The following ZBTB18 variants were observed in gnomAD, a reference collection of about 807,000 sequenced individuals.
The protein encoded by ZBTB18 is zinc finger and BTB domain containing 18, also known as zinc finger and BTB domain-containing protein 18.
ZBTB18 carries 2 observed loss-of-function variants against 37.7 expected under a neutral mutation model. The observed-to-expected ratio is 0.05, with a 90% confidence interval of 0.02 to 0.17. The LOEUF is 0.17. Ranked by LOEUF, ZBTB18 falls within the 10% of genes least tolerant of loss-of-function variation. The pLI, the probability that ZBTB18 is intolerant of heterozygous loss-of-function variation, is 1.00. For synonymous variants in ZBTB18, 304 were observed against 276.5 expected, an observed-to-expected ratio of 1.10 and a Z score of -0.99; for missense variants, 408 against 686.3, an observed-to-expected ratio of 0.59 and a Z score of 4.53.
chr1:244,052,919 T>C (rs1460763625), intron 1 of ZBTB18, among the ~76,000 whole-genome samples: 1 of 152,268 alleles, frequency 6.6e-6, no homozygotes, highest in Non-Finnish European at 1.5e-5. Flanking sequence ...AAACTCATTT[T>C]GCCTTGCAAC....
Position 244,054,508 on chromosome 1 carries a change from T to A in ZBTB18, c.734T>A (p.Val245Asp). 1 of 1,614,210 alleles carries A rather than the reference T, an allele frequency of 6.2e-7. No individual in the cohort carries two copies. The highest frequency in any genetic ancestry group is 8.5e-7 in the Non-Finnish European group (1 of 1,180,048). The change falls in exon 2 of 2, where the codon GTT becomes GAT. Residue 245 changes from valine to aspartate, a missense_variant. Transcript: ENST00000358704. This position sits in a 1 kb window ranked among gnomAD's most constrained non-coding sequence, Gnocchi z 9.0. ...ACCTCCGTGAGGGATTCGGCAGATG[T>A]TGACTGTGTGCTGGACCTGTCTGTC... ...SVTSVRDSADVDCVLDLSVKS... is the reference protein window; with the variant it reads ...SVTSVRDSADDDCVLDLSVKS...
Position 244,053,782 on chromosome 1 carries a change from C to G in ZBTB18, c.14-6C>G. On this transcript the variant is annotated splice_polypyrimidine_tract_variant and splice_region_variant and intron_variant, in intron 1 of 1. Coordinates refer to ENST00000358704, the MANE Select transcript of ZBTB18 (RefSeq NM_205768.3). This position sits in a 1 kb window ranked among gnomAD's most constrained non-coding sequence, Gnocchi z 5.2. ...AGGCTCTAATGAGAAATTCCTCTCT[C>G]CCCAGGTTATGAAGACAGTATGGAG... 6.2e-7 allele frequency: 1 copy of G among 1,602,732 alleles called. No individual in the cohort carries two copies. Among genetic ancestry groups the G allele is most frequent in the Non-Finnish European group, 8.5e-7 (1 of 1,172,506 alleles).
At position 244,054,251 on chromosome 1, in the gene ZBTB18, C is replaced by T. The variant is rs1381384851; in HGVS notation, c.477C>T (p.His159=). ...KVESLSDGSS[H]IAGDLPSDED... is the part of the protein sequence containing the mutation. ...AGAGTCTCTCCGATGGCAGCAGCCA[C>T]ATAGCAGGCGATTTGCCCAGTGATG... is the stretch of plus-strand genomic sequence containing the variant. The change falls in exon 2 of 2, where the codon CAC becomes CAT. Residue 159 remains histidine, a synonymous_variant. Transcript: ENST00000358704. The surrounding 1 kb of genome is among the most constrained non-coding windows in gnomAD (Gnocchi z 9.0). 2.5e-6 allele frequency: 4 copies of T among 1,614,212 alleles called. No homozygotes were observed. Among genetic ancestry groups the T allele is most frequent in the Non-Finnish European group, 3.4e-6 (4 of 1,180,034 alleles).
chr1:244,048,611 C>CCCCCTCCCCCGCGCCCG (rs1296557732), upstream of ZBTB18, among the ~76,000 whole-genome samples: 1 of 136,206 alleles, frequency 7.3e-6, no homozygotes, highest in Non-Finnish European at 1.6e-5. Flanking sequence ...CCCCTCCCCT[C>CCCCCTCCCCCGCGCCCG]CCCCTCCCCC....
At position 244,054,143 on chromosome 1, in the gene ZBTB18, A is replaced by G. The variant is rs775455782; in HGVS notation, c.369A>G (p.Lys123=). The G allele has an allele frequency of 6.2e-7, 1 of 1,614,128 alleles. No individual in the cohort carries two copies. The highest frequency in any genetic ancestry group is 2.2e-5 in the East Asian group (1 of 44,876). The part of the protein sequence containing the change: ...LHMYDIVKVC[K]KKLKEKATTE... ...TGTATGACATTGTCAAAGTCTGCAA[A>G]AAGAAGCTGAAAGAGAAAGCCACCA... is the stretch of plus-strand genomic sequence containing the variant. Residue 123 remains lysine, a synonymous_variant, in exon 2 of 2, where the codon AAA becomes AAG. Coordinates refer to ENST00000358704, the MANE Select transcript of ZBTB18 (RefSeq NM_205768.3). This position sits in a 1 kb window ranked among gnomAD's most constrained non-coding sequence, Gnocchi z 9.0.
Position 244,053,703 on chromosome 1 carries a change from G to A in ZBTB18, c.14-85G>A. 1 of 1,521,542 alleles carries A rather than the reference G, an allele frequency of 6.6e-7. No homozygotes were observed. Among genetic ancestry groups the A allele is most frequent in the East Asian group, 2.3e-5 (1 of 44,146 alleles). The allele number at this position is 1,521,542 out of a possible 1,614,324, so 94.3% of individuals were successfully genotyped here. On this transcript the variant is annotated intron_variant, in intron 1 of 1. Transcript: ENST00000358704. The surrounding 1 kb of genome is among the most constrained non-coding windows in gnomAD (Gnocchi z 5.2). The stretch of plus-strand genomic sequence containing the variant: ...AGGGACATGTACCACGGCGGCCAAA[G>A]CGGAATTAATTTTTTTATATGGGGA...
At position 244,053,561 on chromosome 1, in the gene ZBTB18, C is replaced by T. The variant is rs982532048; in HGVS notation, c.14-227C>T. ...CTTGGGTTCAAGGAAGATGGAGATG[C>T]GTCGGAAGCTCTTTGGCGGGGGTGA... On this transcript the variant is annotated intron_variant, in intron 1 of 1. Coordinates refer to ENST00000358704, the MANE Select transcript of ZBTB18 (RefSeq NM_205768.3). The surrounding 1 kb of genome is among the most constrained non-coding windows in gnomAD (Gnocchi z 5.2). Among the ~76,000 whole-genome samples the T allele has an allele frequency of 1.2e-4, 18 of 152,112 alleles. No homozygotes were observed. The highest frequency in any genetic ancestry group is 3.6e-4 in the African/African-American group (15 of 41,406).
chr1:244,055,705 C>T lies in ZBTB18; in HGVS notation c.*335C>T, dbSNP rs1346901289. The T allele has an allele frequency of 6.0e-6, 1 of 165,858 alleles. No individual in the cohort carries two copies. Among genetic ancestry groups the T allele is most frequent in the East Asian group, 1.9e-4 (1 of 5,198 alleles). 10.3% of individuals were successfully genotyped at this position (165,858 alleles called of 1,614,324 possible). On this transcript the variant is annotated 3_prime_UTR_variant, in exon 2 of 2. Coordinates refer to ENST00000358704, the MANE Select transcript of ZBTB18 (RefSeq NM_205768.3). This position sits in a 1 kb window ranked among gnomAD's most constrained non-coding sequence, Gnocchi z 7.0. ...CATTGTCTTTTGAGCTCTTTTTTCCCCCCCAACAAAGTTTTTTTGTTTTTT... is the reference window on the plus strand; with the variant it reads ...CATTGTCTTTTGAGCTCTTTTTTCCTCCCCAACAAAGTTTTTTTGTTTTTT...
chr1:244,049,676 C>T (rs1007234295), upstream of ZBTB18, among the ~76,000 whole-genome samples: 3 of 152,214 alleles, frequency 2.0e-5, no homozygotes, highest in African/African-American at 4.8e-5. Flanking sequence ...CCACCTCCTT[C>T]CCTGTGGTTT....
rs1411223418 is a variant in ZBTB18, at chr1:244,052,791, A to G, written c.14-997A>G. Among the ~76,000 whole-genome samples, 3 of 152,330 alleles carry G rather than the reference A, an allele frequency of 2.0e-5. No individual in the cohort carries two copies. In the South Asian group the frequency reaches 6.2e-4, roughly 32 times the overall value. ...GAGGTAAGGCAGAACCAGGAAAAAA[A>G]AAAAGGTTCTCTTTTTCTAAAAAGG... On this transcript the variant is annotated intron_variant, in intron 1 of 1. Coordinates refer to ENST00000358704, the MANE Select transcript of ZBTB18 (RefSeq NM_205768.3).
chr1:244,052,827 A>G (rs548590171), intron 1 of ZBTB18, among the ~76,000 whole-genome samples: 1 of 152,342 alleles, frequency 6.6e-6, no homozygotes, highest in African/African-American at 2.4e-5. Context: ...CTTAAAAAAA[A>G]ACGTTGAACC....
rs771903420 is a variant in ZBTB18, at chr1:244,055,393, T to C, written c.*23T>C. ...TAATTTTATATATATATAAATAATATATATATATATACATATATATAAATA... is the reference window on the plus strand; with the variant it reads ...TAATTTTATATATATATAAATAATACATATATATATACATATATATAAATA... On this transcript the variant is annotated 3_prime_UTR_variant, in exon 2 of 2. Coordinates refer to ENST00000358704, the MANE Select transcript of ZBTB18 (RefSeq NM_205768.3). The surrounding 1 kb of genome is among the most constrained non-coding windows in gnomAD (Gnocchi z 7.0). 5.9e-6 allele frequency: 4 copies of C among 674,696 alleles called. No individual in the cohort carries two copies. Among genetic ancestry groups the C allele is most frequent in the East Asian group, 4.4e-5 (1 of 22,534 alleles). The allele number at this position is 674,696 out of a possible 1,614,324, so 41.8% of individuals were successfully genotyped here. A position where few individuals can be genotyped will look rare whatever the true frequency, so the allele number is the denominator to read the frequency against.
At chr1:244,051,489 G>C in intron 1 of ZBTB18, 45 bp downstream of exon 1, 1 of 1,610,154 alleles carries the variant, frequency 6.2e-7, no homozygotes, top group Non-Finnish European at 8.5e-7. Context: ...CTGTTTTGGT[G>C]TTTTGTTTAT....
chr1:244,052,293 A>G (rs1698370696), intron 1 of ZBTB18, among the ~76,000 whole-genome samples: 3 of 152,246 alleles, frequency 2.0e-5, no homozygotes, highest in Non-Finnish European at 2.9e-5. Flanking sequence ...CTGCCCTCCA[A>G]TCTTTATTTT....
chr1:244,048,662 G>A (rs995227895), upstream of ZBTB18, among the ~76,000 whole-genome samples: 5 of 93,308 alleles, frequency 5.4e-5, no homozygotes, highest in African/African-American at 2.0e-4. Flanking sequence ...CACCCGGCCC[G>A]GCGGCTCCGC....
At chr1:244,050,786 A>G (rs1342572299), upstream of ZBTB18, among the ~76,000 whole-genome samples, 1 of 152,246 alleles carries the variant, frequency 6.6e-6, no homozygotes, top group African/African-American at 2.4e-5. Context: ...CATTTGAGAC[A>G]TGTATACCAT....
Position 244,056,466 on chromosome 1 carries a change from A to G in ZBTB18, c.*1096A>G, listed in dbSNP as rs1448783312. 1 of 167,160 alleles carries G rather than the reference A, an allele frequency of 6.0e-6. No homozygotes were observed. The highest frequency in any genetic ancestry group is 1.5e-5 in the Non-Finnish European group (1 of 68,136). The allele number at this position is 167,160 out of a possible 1,614,324, so 10.4% of individuals were successfully genotyped here. A position where few individuals can be genotyped will look rare whatever the true frequency, so the allele number is the denominator to read the frequency against. On this transcript the variant is annotated 3_prime_UTR_variant, in exon 2 of 2. Coordinates refer to ENST00000358704, the MANE Select transcript of ZBTB18 (RefSeq NM_205768.3). Reference sequence around the variant, plus strand: ...AAACAGCTTAAAGATTTGCATGTGCAGTGTGCATTTATAACAAACTTCTAA... The same window carrying G: ...AAACAGCTTAAAGATTTGCATGTGCGGTGTGCATTTATAACAAACTTCTAA...
rs777208397 is a variant in ZBTB18, at chr1:244,054,663, A to G, written c.889A>G (p.Asn297Asp). Residue 297 changes from asparagine (N) to aspartate (D), a missense_variant, in exon 2 of 2, where the codon AAT becomes GAT. Asn to Asp is a conservative substitution (Grantham distance 23, BLOSUM62 1). This residue lies in a region of ZBTB18 where 266 missense variants were observed against 312.0 expected (regional missense o/e 0.85). Coordinates refer to ENST00000358704, the MANE Select transcript of ZBTB18 (RefSeq NM_205768.3). This position sits in a 1 kb window ranked among gnomAD's most constrained non-coding sequence, Gnocchi z 9.0. Reference sequence around the variant, plus strand: ...CTGTGATGAGAGTGATGTTGGCACTAATGACTATGACATGGAACATAGCAC... The same window carrying G: ...CTGTGATGAGAGTGATGTTGGCACTGATGACTATGACATGGAACATAGCAC... Reference protein sequence around the residue: ...ASCDESDVGTNDYDMEHSTVK... With the variant: ...ASCDESDVGTDDYDMEHSTVK... 2.5e-6 allele frequency: 4 copies of G among 1,614,236 alleles called. No individual in the cohort carries two copies. Among genetic ancestry groups the G allele is most frequent in the Non-Finnish European group, 3.4e-6 (4 of 1,180,044 alleles).
chr1:244,048,628 G>GCCCCCCCCCCCC (rs1325001619), upstream of ZBTB18, among the ~76,000 whole-genome samples: 9 of 79,438 alleles, frequency 1.1e-4, no homozygotes, highest in Non-Finnish European at 2.1e-4. Context: ...CCCCGCGCCC[G>GCCCCCCCCCCCC]CCCCCCCCCC....
Sources: allele counts gnomAD v4.1 joint callset (sites outside exome capture counted in the v4.1 genomes callset), GRCh38; gene constraint gnomAD v4.1.1; regional missense constraint gnomAD v4.1.1; non-coding constraint Gnocchi (gnomAD v3.1); transcripts MANE v1.5; gene names NCBI Gene and HGNC (gene_info 2026-07-23, HGNC 2026-07-21).